LONP1: variants seen among roughly 807,000 people sequenced by gnomAD.
The protein encoded by LONP1 is lon protease homolog, mitochondrial.
A neutral mutation model predicts 98.5 loss-of-function variants in LONP1; 31 were observed. That is an observed-to-expected ratio of 0.31 (90% confidence interval 0.24 to 0.42). LONP1 has a LOEUF of 0.42. LONP1 is among the 20% of genes least tolerant of loss of function. The probability of loss-of-function intolerance (pLI) is 1.00; values close to 1 mark genes in which losing one functional copy is unlikely to be tolerated. For synonymous variants in LONP1, 781 were observed against 594.7 expected, an observed-to-expected ratio of 1.31 and a Z score of -4.56; for missense variants, 1,336 against 1,350.6, an observed-to-expected ratio of 0.99 and a Z score of 0.17.
At position 5,692,005 on chromosome 19, in the gene LONP1, C is replaced by CCAGTTCTGGCCCAGACAGGGCCTGACATT; in HGVS notation, c.*26_*27insAATGTCAGGCCCTGTCTGGGCCAGAACTG. 6.3e-7 allele frequency: 1 copy of CCAGTTCTGGCCCAGACAGGGCCTGACATT among 1,597,214 alleles called. No individual in the cohort carries two copies. On this transcript the variant is annotated 3_prime_UTR_variant, in exon 18 of 18. Transcript: ENST00000360614. ...TTCTGGCCCAGACAGGGCCTGACAT[C>CCAGTTCTGGCCCAGACAGGGCCTGACATT]CGCCGCCTGCAGTCCCGGGGTGGCC...
Position 5,707,074 on chromosome 19 carries a change from G to A in LONP1, c.1132C>T (p.Arg378Cys), listed in dbSNP as rs780136564. The A allele has an allele frequency of 3.7e-6, 6 of 1,611,910 alleles. No homozygotes were observed. Among genetic ancestry groups the A allele is most frequent in the Non-Finnish European group, 5.1e-6 (6 of 1,179,684 alleles). The change falls in exon 7 of 18, where the codon CGC (arginine) becomes TGC (cysteine). Residue 378 changes from arginine (R) to cysteine (C), a missense_variant. Physicochemically the swap from Arg to Cys is radical, Grantham distance 180. Transcript: ENST00000360614. The stretch of plus-strand genomic sequence containing the variant: ...CGCGGGCTCACCTCCCGCCCCAGGC[G>A]CTGCTGCAGCTTGCTCAGTTCAAAT... ...KEFELSKLQQ[R>C]LGREVEEKIK...
intron 10 of LONP1, 136 bp from the exon 11 acceptor site, chr19:5,696,893 T>C: frequency 1.6e-6 from 1 of 624,368 alleles, no homozygotes; most frequent in Non-Finnish European, 2.8e-6. Context: ...GAGGCGGAAA[T>C]GCTGGCAGCC....
At chr19:5,695,049 G>A (rs576304088) in intron 13 of LONP1, 148 bp from the exon 14 acceptor site, 23 of 923,288 alleles carry the variant, frequency 2.5e-5, no homozygotes, top group Middle Eastern at 3.6e-4. Flanking sequence ...TGGACACCCC[G>A]CCCTGCCACC....
chr19:5,707,235 T>A, intron 6 of LONP1, 92 bp from the exon 7 acceptor site: 76 of 889,100 alleles, frequency 8.5e-5, no homozygotes, highest in Middle Eastern at 2.1e-4. Flanking sequence ...CCCTGAGAGA[T>A]GCTGCCGGGA....
chr19:5,692,375 C>G, intron 17 of LONP1, 167 bp from the exon 18 acceptor site: 1 of 607,624 alleles, frequency 1.6e-6, no homozygotes, highest in Non-Finnish European at 2.7e-6. Context: ...CACGGGGAAA[C>G]AGGCTCAAGG....
chr19:5,697,937 C>G (rs1341775335), intron 10 of LONP1, among the ~76,000 whole-genome samples: 2 of 152,038 alleles, frequency 1.3e-5, no homozygotes, highest in Non-Finnish European at 2.9e-5. Context: ...GCTTCGCGAC[C>G]ACTTCAAACC....
chr19:5,701,339 G>A (rs182598461), intron 8 of LONP1, among the ~76,000 whole-genome samples: 59 of 152,056 alleles, frequency 3.9e-4, no homozygotes, highest in African/African-American at 1.2e-3. Context: ...CCCTTTCCAC[G>A]GTCTCCCCTT....
chr19:5,694,913 A>C lies in LONP1; in HGVS notation c.2014-12T>G. On this transcript the variant is annotated splice_polypyrimidine_tract_variant and intron_variant, in intron 13 of 17. Coordinates refer to ENST00000360614, the MANE Select transcript of LONP1 (RefSeq NM_004793.4). ...GGCACCAGGTAGCGCTGCAAGGGCAACCGTCAGGGTTGGGTCTGGAGGGAC... is the reference window on the plus strand; with the variant it reads ...GGCACCAGGTAGCGCTGCAAGGGCACCCGTCAGGGTTGGGTCTGGAGGGAC... 1 of 1,588,962 alleles carries C rather than the reference A, an allele frequency of 6.3e-7. No homozygotes were observed. Among genetic ancestry groups the C allele is most frequent in the Non-Finnish European group, 8.6e-7 (1 of 1,160,596 alleles).
At chr19:5,702,007 C>G (rs2055055627) in intron 8 of LONP1, among the ~76,000 whole-genome samples, 2 of 151,672 alleles carry the variant, frequency 1.3e-5, no homozygotes, top group African/African-American at 4.8e-5. Flanking sequence ...GACCCTCTGC[C>G]TGGCAACCGA....
rs769736193 is a variant in LONP1, at chr19:5,699,092, C to G, written c.1620G>C (p.Leu540=). Residue 540 remains leucine, a synonymous_variant, in exon 10 of 18, where the codon CTG becomes CTC. Transcript: ENST00000360614. ...TSIARSIARA[L]NREYFRFSVG... is the part of the protein sequence containing the mutation. Reference sequence around the variant, plus strand: ...CGCTGAAGCGGAAGTACTCTCGGTTCAGGGCGCGGGCGATGGAGCGAGCAA... The same window carrying G: ...CGCTGAAGCGGAAGTACTCTCGGTTGAGGGCGCGGGCGATGGAGCGAGCAA... 3 of 1,606,872 alleles carry G rather than the reference C, an allele frequency of 1.9e-6. No individual in the cohort carries two copies. The South Asian group carries it at 3.3e-5, about 18-fold the overall frequency.
At chr19:5,698,627 G>A (rs949336599) in intron 10 of LONP1, among the ~76,000 whole-genome samples, 8 of 152,194 alleles carry the variant, frequency 5.3e-5, no homozygotes, top group Non-Finnish European at 7.4e-5. Flanking sequence ...CACAGGCTTC[G>A]GGGTGGGGGG....
At chr19:5,716,838 G>C (rs1035005304) in intron 1 of LONP1, among the ~76,000 whole-genome samples, 3 of 152,162 alleles carry the variant, frequency 2.0e-5, no homozygotes, top group Non-Finnish European at 4.4e-5. Context: ...CTGTCGCCCA[G>C]GCTAGAGCGC....
intron 10 of LONP1, 88 bp downstream of exon 10, chr19:5,698,939 A>G: frequency 7.3e-7 from 1 of 1,367,936 alleles, no homozygotes; most frequent in South Asian, 1.5e-5. Context: ...GGATTGCTCT[A>G]CCAGATGTTA....
Position 5,712,111 on chromosome 19 carries a change from C to T in LONP1, c.639-109G>A, listed in dbSNP as rs185052778. 117 of 862,042 alleles carry T rather than the reference C, an allele frequency of 1.4e-4. 1 individual carries two copies. In the East Asian group the frequency reaches 2.4e-3, roughly 18 times the overall value. The allele number at this position is 862,042 out of a possible 1,614,324, so 53.4% of individuals were successfully genotyped here. A position where few individuals can be genotyped will look rare whatever the true frequency, so the allele number is the denominator to read the frequency against. On this transcript the variant is annotated intron_variant, in intron 3 of 17. Transcript: ENST00000360614. Reference sequence around the variant, plus strand: ...GTCCAAGGGTCCCGCTGAGCCCAGACCTCTGGAGCCACAGGGTGGCTACAG... The same window carrying T: ...GTCCAAGGGTCCCGCTGAGCCCAGATCTCTGGAGCCACAGGGTGGCTACAG...
At chr19:5,695,223 C>T (rs963362024) in intron 13 of LONP1, among the ~76,000 whole-genome samples, 13 of 152,162 alleles carry the variant, frequency 8.5e-5, no homozygotes, top group Non-Finnish European at 1.6e-4. Flanking sequence ...GGGTGGCTGA[C>T]TGGTTACGTG....
chr19:5,714,041 G>A (rs1034565199), intron 2 of LONP1, 142 bp downstream of exon 2: 7 of 603,612 alleles, frequency 1.2e-5, no homozygotes, highest in East Asian at 2.9e-5. Context: ...GGTAGCCTGC[G>A]TGGCTTCTGG....
intron 10 of LONP1, among the ~76,000 whole-genome samples, chr19:5,698,446 G>A (rs982340227): frequency 2.6e-5 from 4 of 152,212 alleles, no homozygotes; most frequent in Non-Finnish European, 5.9e-5. Context: ...GAAAAGCCGC[G>A]CCCGGCTGCC....
chr19:5,703,560 G>A (rs1036086209), intron 8 of LONP1, among the ~76,000 whole-genome samples: 2 of 151,858 alleles, frequency 1.3e-5, no homozygotes, highest in African/African-American at 2.4e-5. Context: ...AGAGGAGGAC[G>A]GCTTCCGAGG....
At chr19:5,708,264 G>A (rs1599470545) in intron 5 of LONP1, 78 bp downstream of exon 5, 2 of 1,432,826 alleles carry the variant, frequency 1.4e-6, no homozygotes, top group East Asian at 4.6e-5. Context: ...GGACGCTGAG[G>A]AAGCCCCCTA....
Sources: allele counts gnomAD v4.1 joint callset (sites outside exome capture counted in the v4.1 genomes callset), GRCh38; gene constraint gnomAD v4.1.1; transcripts MANE v1.5; gene names NCBI Gene and HGNC (gene_info 2026-07-23, HGNC 2026-07-21).